Variants in CSMD3 observed in about 807,000 individuals in gnomAD.
CSMD3 encodes the protein CUB and Sushi multiple domains 3.
A neutral mutation model predicts 435.2 loss-of-function variants in CSMD3; 177 were observed. The observed-to-expected ratio is 0.41, with a 90% CI of 0.36 to 0.46. The LOEUF (loss-of-function observed/expected upper bound fraction) is 0.46. Among genes scored for constraint, CSMD3 ranks in the 20% least tolerant of loss-of-function variants. The pLI is 0.34. For missense variants in CSMD3, 4,265 were observed against 4,504.6 expected (o/e 0.95, Z 1.52); for synonymous variants, 1,656 against 1,520.5 (o/e 1.09, Z -2.07).
At chr8:113,042,511 C>T (rs763732842) in intron 5 of CSMD3, among the ~76,000 whole-genome samples, 16 of 152,180 alleles carry the variant, frequency 1.1e-4, no homozygotes, top group South Asian at 4.1e-4. Flanking sequence ...TATAATCTAA[C>T]GTTATAATTT....
chr8:113,125,511 T>C (rs1051991104), intron 4 of CSMD3, among the ~76,000 whole-genome samples: 5 of 151,574 alleles, frequency 3.3e-5, no homozygotes, highest in African/African-American at 4.8e-5. Flanking sequence ...CAGGAGAGGA[T>C]AGGAGGGAGA....
intron 31 of CSMD3, among the ~76,000 whole-genome samples, chr8:112,480,399 T>C (rs1819515289): frequency 6.6e-6 from 1 of 152,162 alleles, no homozygotes; most frequent in African/African-American, 2.4e-5. Flanking sequence ...TATTTTTCAA[T>C]GTGAGAAGGA....
At chr8:112,265,249 AT>A (rs1816827535) in intron 60 of CSMD3, among the ~76,000 whole-genome samples, 161 bp downstream of exon 60, 1 of 151,962 alleles carries the variant, frequency 6.6e-6, no homozygotes, top group Non-Finnish European at 1.5e-5. Context: ...AATTCTATAT[AT>A]TAAAATAAAA....
rs3028667 is a variant in CSMD3, at chr8:112,467,526, G to GTATA, written c.5395+5061_5395+5064dup. On this transcript the variant is annotated intron_variant, in intron 32 of 70. Coordinates refer to ENST00000297405, the MANE Select transcript of CSMD3 (RefSeq NM_198123.2). ...ATTAAGATTTTCTACATAAAATTAT[G>GTATA]TATATATATAGTTCACCCTTTATAG... Among the ~76,000 whole-genome samples the GTATA allele has an allele frequency of 8.6e-5, 13 of 151,514 alleles. No individual in the cohort carries two copies. The East Asian group carries it at 1.4e-3, about 16-fold the overall frequency.
intron 1 of CSMD3, among the ~76,000 whole-genome samples, chr8:113,382,122 A>G (rs961444875): frequency 1.3e-5 from 2 of 152,166 alleles, no homozygotes; most frequent in Admixed American, 6.6e-5. Context: ...TTAGAGTCCT[A>G]GATGTGGAAT....
chr8:112,692,153 G>T (rs1405609090), intron 13 of CSMD3, among the ~76,000 whole-genome samples: 1 of 151,454 alleles, frequency 6.6e-6, no homozygotes, highest in Non-Finnish European at 1.5e-5. Flanking sequence ...TTATATTTTT[G>T]GATTCCATCT....
At chr8:113,018,881 A>G in intron 6 of CSMD3, 186 bp downstream of exon 6, 2 of 600,200 alleles carry the variant, frequency 3.3e-6, no homozygotes, top group Non-Finnish European at 3.0e-6. Context: ...ATACTATAAA[A>G]TCAACTAACT....
intron 4 of CSMD3, among the ~76,000 whole-genome samples, chr8:113,136,793 T>A (rs1156804024): frequency 1.3e-5 from 2 of 151,702 alleles, no homozygotes; most frequent in East Asian, 3.9e-4. Context: ...CTGGGGATAC[T>A]GGAGAATGTT....
rs113264249 is a variant in CSMD3, at chr8:112,626,122, C to A, written c.3715+10695G>T. 9.8e-3 allele frequency among the ~76,000 whole-genome samples: 1,497 copies of A among 152,050 alleles called. 21 individuals are homozygous for A. Among genetic ancestry groups the A allele is most frequent in the African/African-American group, 0.03 (1,237 of 41,472 alleles). ...GGTAAAGACAAAATATCAAAAAAAA[C>A]CAGAAATGATAATGAAAAAATGAAA... is the stretch of plus-strand genomic sequence containing the variant. On this transcript the variant is annotated intron_variant, in intron 22 of 70. Transcript: ENST00000297405.
chr8:113,081,782 T>G (rs2089574859), intron 5 of CSMD3, among the ~76,000 whole-genome samples: 1 of 152,116 alleles, frequency 6.6e-6, no homozygotes, highest in South Asian at 2.1e-4. Flanking sequence ...CCCAGCAGTA[T>G]AGCTGTAACC....
chr8:112,426,365 T>C (rs112881443), intron 32 of CSMD3, among the ~76,000 whole-genome samples: 2,789 of 152,254 alleles, frequency 0.018, 89 homozygotes, highest in African/African-American at 0.064. Flanking sequence ...AATATAAACA[T>C]AGTCATGTTT....
chr8:112,413,859 G>C (rs1211009303), intron 32 of CSMD3, among the ~76,000 whole-genome samples: 1 of 152,084 alleles, frequency 6.6e-6, no homozygotes, highest in Non-Finnish European at 1.5e-5. Context: ...TTCTGTGTCT[G>C]TCTTTGCATT....
chr8:113,353,057 G>A (rs983060009), intron 1 of CSMD3, among the ~76,000 whole-genome samples: 5 of 152,068 alleles, frequency 3.3e-5, no homozygotes, highest in African/African-American at 1.2e-4. Context: ...GTTGAGGAGA[G>A]GTGAGTTTCA....
intron 1 of CSMD3, among the ~76,000 whole-genome samples, chr8:113,377,477 G>A (rs1742513177): frequency 1.3e-5 from 2 of 152,146 alleles, no homozygotes; most frequent in South Asian, 4.1e-4. Context: ...ACATTACAGT[G>A]CAAATTGGGA....
chr8:112,879,320 T>A (rs111531215), intron 10 of CSMD3, among the ~76,000 whole-genome samples: 1 of 152,118 alleles, frequency 6.6e-6, no homozygotes, highest in Non-Finnish European at 1.5e-5. Flanking sequence ...CCCCCAGGCT[T>A]GCTAGGATTA....
intron 38 of CSMD3, among the ~76,000 whole-genome samples, chr8:112,361,576 T>TATAC (rs1370498878): frequency 1.4e-3 from 13 of 9,494 alleles, no homozygotes; most frequent in Non-Finnish European, 3.2e-3. Context: ...CACATACATA[T>TATAC]ATATATATAT....
intron 5 of CSMD3, among the ~76,000 whole-genome samples, chr8:113,066,419 G>T (rs990950772): frequency 1.2e-4 from 18 of 151,998 alleles, no homozygotes; most frequent in African/African-American, 4.3e-4. Context: ...GAAAACAAAT[G>T]ATGAGAATGA....
chr8:112,408,861 C>A, intron 33 of CSMD3, 58 bp downstream of exon 33: 1 of 1,611,768 alleles, frequency 6.2e-7, no homozygotes, highest in Non-Finnish European at 8.5e-7. Flanking sequence ...CACTACAATA[C>A]TAATCAAAGT....
intron 6 of CSMD3, among the ~76,000 whole-genome samples, chr8:113,013,330 A>G (rs2086328482): frequency 6.6e-6 from 1 of 152,052 alleles, no homozygotes; most frequent in African/African-American, 2.4e-5. Context: ...ATGTTTCATC[A>G]CAATATTTAA....
Sources: gnomAD v4.1 joint callset for allele counts (sites outside exome capture counted in the v4.1 genomes callset) on GRCh38, gnomAD v4.1.1 for gene constraint, MANE v1.5 for transcripts, NCBI Gene and HGNC (gene_info 2026-07-23, HGNC 2026-07-21) for gene names.